SYCP2: variants seen among roughly 807,000 people sequenced by gnomAD.
SYCP2 encodes synaptonemal complex lateral element protein.
A neutral mutation model predicts 211.3 loss-of-function variants in SYCP2; 55 were observed. That is an observed-to-expected ratio of 0.26 (90% CI 0.21 to 0.33). The LOEUF (loss-of-function observed/expected upper bound fraction) is 0.33, where lower values mean the gene tolerates loss of function less well. Ranked by LOEUF, SYCP2 falls within the 10% of genes least tolerant of loss-of-function variation. The pLI is 1.00. For synonymous variants in SYCP2, 570 were observed against 555.2 expected (o/e 1.03, Z -0.37); for missense variants, 1,731 against 1,752.0 (o/e 0.99, Z 0.21).
intron 43 of SYCP2, 50 bp downstream of exon 43, chr20:59,865,523 T>C: frequency 6.4e-7 from 1 of 1,573,802 alleles, no homozygotes; most frequent in East Asian, 2.2e-5. Context: ...CATTAACAAA[T>C]TCTTTTTGTA....
chr20:59,920,626 C>T (rs536851591), intron 4 of SYCP2, 139 bp from the exon 5 acceptor site: 7 of 696,684 alleles, frequency 1.0e-5, no homozygotes, highest in Non-Finnish European at 1.6e-5. Context: ...TATATTGCAA[C>T]AGATGAAAAT....
chr20:59,874,017 A>C lies in SYCP2; in HGVS notation c.3394T>G (p.Cys1132Gly). Residue 1132 changes from cysteine to glycine, a missense_variant, in exon 35 of 45, where the codon TGC becomes GGC. Coordinates refer to ENST00000357552, the MANE Select transcript of SYCP2 (RefSeq NM_014258.4). The part of the protein sequence containing the change: ...TEKDFTQDYD[C>G]ITKSISPYPK... The stretch of plus-strand genomic sequence containing the variant: ...TAAGGTGATATAGATTTTGTTATGC[A>C]GTCATAATCCTGAGTAAAATCCTTT... 1 of 1,612,110 alleles carries C rather than the reference A, an allele frequency of 6.2e-7. No homozygotes were observed. The highest frequency in any genetic ancestry group is 8.5e-7 in the Non-Finnish European group (1 of 1,178,740).
At chr20:59,905,047 C>G (rs1286236875) in intron 15 of SYCP2, among the ~76,000 whole-genome samples, 6 of 152,172 alleles carry the variant, frequency 3.9e-5, no homozygotes, top group Admixed American at 3.9e-4. Flanking sequence ...TTTCTACTAA[C>G]ATTGTACTGA....
intron 15 of SYCP2, among the ~76,000 whole-genome samples, chr20:59,902,275 C>T (rs1022939678): frequency 2.0e-5 from 3 of 152,142 alleles, no homozygotes; most frequent in Admixed American, 6.6e-5. Context: ...AATTAAGTGT[C>T]AGGAGATTGT....
In SYCP2 at chr20:59,917,211, T is replaced by A. The variant is rs371764376; in HGVS notation, c.428-640A>T. 5.5e-4 allele frequency among the ~76,000 whole-genome samples: 83 copies of A among 152,268 alleles called. 1 individual carries two copies. The South Asian group carries it at 0.017, about 30-fold the overall frequency. On this transcript the variant is annotated intron_variant, in intron 7 of 44. Transcript: ENST00000357552. ...AGGCTTTTACCAAAACTGACCTCAT[T>A]AATTTTTAGTTATACATCAAAAATT...
intron 35 of SYCP2, 79 bp from the exon 36 acceptor site, chr20:59,870,062 A>C: frequency 1.1e-6 from 1 of 949,864 alleles, no homozygotes; most frequent in Non-Finnish European, 1.5e-6. Flanking sequence ...AGAGTTGAAC[A>C]TAAGAAACAT....
At chr20:59,911,727 A>T (rs1433698521) in intron 14 of SYCP2, 23 bp downstream of exon 14, 8 of 1,272,738 alleles carry the variant, frequency 6.3e-6, no homozygotes, top group Middle Eastern at 1.9e-4. Context: ...CATAAAGAAT[A>T]ATACCAACCA....
chr20:59,900,027 T>C (rs2060085025), intron 18 of SYCP2, 111 bp downstream of exon 18: 1 of 1,170,076 alleles, frequency 8.5e-7, no homozygotes, highest in South Asian at 1.4e-5. Context: ...TGAAATGTGA[T>C]TGATCAAGGC....
At position 59,920,347 on chromosome 20, in the gene SYCP2, T is replaced by G; in HGVS notation, c.297+12A>C. On this transcript the variant is annotated intron_variant, in intron 5 of 44. Coordinates refer to ENST00000357552, the MANE Select transcript of SYCP2 (RefSeq NM_014258.4). The stretch of plus-strand genomic sequence containing the variant: ...TTCATTCACATGAATATGTTACATA[T>G]TCTATACTTATCTTTTGTATTAGTC... 6.3e-7 allele frequency: 1 copy of G among 1,588,242 alleles called. No homozygotes were observed.
chr20:59,875,561 G>A (rs79920926), intron 33 of SYCP2, 92 bp from the exon 34 acceptor site: 16,826 of 962,066 alleles, frequency 0.017, 188 homozygotes, highest in Admixed American at 0.023. Flanking sequence ...TTTATTAAAT[G>A]TTGTATATTA....
intron 31 of SYCP2, 54 bp from the exon 32 acceptor site, chr20:59,878,099 A>C (rs1600831868): frequency 1.7e-6 from 2 of 1,145,306 alleles, no homozygotes; most frequent in Admixed American, 4.2e-5. Flanking sequence ...AATAGGCATT[A>C]AATTTATTAG....
chr20:59,874,084 A>T (rs751947124), intron 34 of SYCP2, 23 bp from the exon 35 acceptor site: 1 of 1,365,414 alleles, frequency 7.3e-7, no homozygotes, highest in African/African-American at 1.5e-5. Context: ...AAAATAAAAA[A>T]GAAAATAGAT....
chr20:59,921,482 T>C (rs768001060), intron 3 of SYCP2, 29 bp from the exon 4 acceptor site: 2 of 1,518,494 alleles, frequency 1.3e-6, no homozygotes, highest in South Asian at 2.6e-5. Context: ...TGGCACATAC[T>C]GTATCAAAAC....
At chr20:59,933,078 C>T (rs1377932382) in intron 1 of SYCP2, among the ~76,000 whole-genome samples, 1 of 152,038 alleles carries the variant, frequency 6.6e-6, no homozygotes, top group Non-Finnish European at 1.5e-5. Flanking sequence ...CGCCAACCCC[C>T]CTTCAGATGT....
At chr20:59,903,577 T>C (rs1419753626) in intron 15 of SYCP2, among the ~76,000 whole-genome samples, 1 of 151,914 alleles carries the variant, frequency 6.6e-6, no homozygotes, top group Non-Finnish European at 1.5e-5. Flanking sequence ...CTTGGAGAAA[T>C]TACCCTTCAA....
Position 59,922,137 on chromosome 20 carries a change from G to C in SYCP2, c.24+253C>G, listed in dbSNP as rs374524842. On this transcript the variant is annotated intron_variant, in intron 3 of 44. Coordinates refer to ENST00000357552, the MANE Select transcript of SYCP2 (RefSeq NM_014258.4). ...CCAAGCATAAATTATGCATGAATCA[G>C]TGCATAATTCTTTTCAATGTAAAAG... Among the ~76,000 whole-genome samples, 86 of 151,602 alleles carry C rather than the reference G, an allele frequency of 5.7e-4. 1 individual carries two copies. The South Asian group carries it at 0.017, about 30-fold the overall frequency.
chr20:59,915,222 A>G, intron 9 of SYCP2, 23 bp from the exon 10 acceptor site: 1 of 1,521,358 alleles, frequency 6.6e-7, no homozygotes, highest in Non-Finnish European at 9.1e-7. Flanking sequence ...ATAACAGATT[A>G]CAAAATAGAC....
chr20:59,922,583 C>T (rs895381300), intron 2 of SYCP2, 124 bp from the exon 3 acceptor site: 2 of 461,692 alleles, frequency 4.3e-6, no homozygotes, highest in Non-Finnish European at 3.8e-6. Flanking sequence ...AACTTCCTCA[C>T]TAAACACCTG....
At chr20:59,880,943 CAT>C (rs746102217) in intron 30 of SYCP2, 21 bp downstream of exon 30, 2 of 1,097,430 alleles carry the variant, frequency 1.8e-6, no homozygotes, top group South Asian at 3.0e-5. Context: ...TTCTAATAGA[CAT>C]ATTGAGATAT....
Sources: allele counts gnomAD v4.1 joint callset (sites outside exome capture counted in the v4.1 genomes callset), GRCh38; gene constraint gnomAD v4.1.1; transcripts MANE v1.5; gene names NCBI Gene and HGNC (gene_info 2026-07-23, HGNC 2026-07-21).